SUDS3: variants seen among roughly 807,000 people sequenced by gnomAD.
SUDS3 encodes the protein sin3 histone deacetylase corepressor complex component SDS3.
Under a neutral mutation model 53.5 loss-of-function variants are expected in SUDS3, and 23 were observed. That is an observed-to-expected ratio of 0.43 (90% CI 0.31 to 0.61). The LOEUF (loss-of-function observed/expected upper bound fraction) is 0.61. SUDS3 is among the 20% of genes least tolerant of loss of function. The pLI is 0.10. For synonymous variants in SUDS3, 150 were observed against 148.5 expected (o/e 1.01, Z -0.08); for missense variants, 291 against 405.9 (o/e 0.72, Z 2.43).
At chr12:118,410,120 A>G (rs1401196455) in intron 10 of SUDS3, among the ~76,000 whole-genome samples, 1 of 152,156 alleles carries the variant, frequency 6.6e-6, no homozygotes, top group African/African-American at 2.4e-5. Flanking sequence ...TCCCCAGTGT[A>G]TTTGAATCTC....
At chr12:118,409,774 G>C (rs1490790064) in intron 10 of SUDS3, among the ~76,000 whole-genome samples, 1 of 152,274 alleles carries the variant, frequency 6.6e-6, no homozygotes, top group Admixed American at 6.5e-5. Context: ...GGCCAGGGTT[G>C]CTAGCTGCAG....
intron 10 of SUDS3, among the ~76,000 whole-genome samples, chr12:118,407,268 C>T (rs1292158881): frequency 6.6e-6 from 1 of 152,112 alleles, no homozygotes; most frequent in Admixed American, 6.5e-5. Flanking sequence ...GATAATGGTT[C>T]CCCCAAGACA....
intron 1 of SUDS3, among the ~76,000 whole-genome samples, chr12:118,378,507 G>C (rs1375092874): frequency 1.3e-5 from 2 of 149,148 alleles, no homozygotes; most frequent in African/African-American, 2.5e-5. Context: ...TTTAAGATGG[G>C]GTCTCACTCA....
At chr12:118,392,809 T>TG (rs1294878198) in intron 6 of SUDS3, among the ~76,000 whole-genome samples, 1 of 152,176 alleles carries the variant, frequency 6.6e-6, no homozygotes, top group Admixed American at 6.5e-5. Context: ...TTTCCGTCTG[T>TG]GGGGAACGGG....
intron 6 of SUDS3, among the ~76,000 whole-genome samples, chr12:118,392,500 A>G (rs2046176407): frequency 6.6e-6 from 1 of 152,216 alleles, no homozygotes; most frequent in Non-Finnish European, 1.5e-5. Flanking sequence ...AGCTCCTTGA[A>G]GGCCTCTGAA....
chr12:118,414,179 G>C (rs537889139), intron 11 of SUDS3, among the ~76,000 whole-genome samples, 156 bp from the exon 12 acceptor site: 20 of 152,294 alleles, frequency 1.3e-4, no homozygotes, highest in African/African-American at 4.3e-4. Flanking sequence ...GAGGTCAGGG[G>C]TGCTTATGAA....
chr12:118,402,229 T>C (rs2046269754), intron 9 of SUDS3: 2 of 564,936 alleles, frequency 3.5e-6, no homozygotes, highest in South Asian at 2.5e-5. Context: ...TCTTAGGATT[T>C]ATCATAAAAG....
rs1191450584 is a variant in SUDS3 at position 118,416,926 on chromosome 12, AG to A, written c.*2495del. ...TTCCTGCAGGTGATTACTTTGAAAA[AG>A]GTTGGTCCAGACCATTTTGATCAAG... On this transcript the variant is annotated 3_prime_UTR_variant, in exon 12 of 12. Transcript: ENST00000543473. The A allele has an allele frequency of 6.6e-6, 1 of 152,234 alleles. No homozygotes were observed. The highest frequency in any genetic ancestry group is 1.5e-5 in the Non-Finnish European group (1 of 68,052). The allele number at this position is 152,234 out of a possible 1,614,324, so 9.4% of individuals were successfully genotyped here. A position where few individuals can be genotyped will look rare whatever the true frequency, so the allele number is the denominator to read the frequency against.
intron 4 of SUDS3, among the ~76,000 whole-genome samples, chr12:118,387,220 A>G (rs1298974160): frequency 6.6e-6 from 1 of 151,732 alleles, no homozygotes; most frequent in Non-Finnish European, 1.5e-5. Flanking sequence ...CCCCCTTTCT[A>G]CTCTGAGTTC....
intron 2 of SUDS3, among the ~76,000 whole-genome samples, chr12:118,380,708 T>TA (rs1219716727): frequency 1.3e-5 from 2 of 152,188 alleles, no homozygotes; most frequent in African/African-American, 4.8e-5. Context: ...TTTTACTACT[T>TA]ACTCTTTTTT....
At chr12:118,401,900 T>G in intron 8 of SUDS3, 80 bp downstream of exon 8, 1 of 1,599,506 alleles carries the variant, frequency 6.3e-7, no homozygotes, top group Non-Finnish European at 8.6e-7. Context: ...ATGTTACTTG[T>G]TAATCATTAT....
At position 118,414,480 on chromosome 12, in the gene SUDS3, A is replaced by G. The variant is rs1593789682; in HGVS notation, c.*47A>G. On this transcript the variant is annotated 3_prime_UTR_variant, in exon 12 of 12. Coordinates refer to ENST00000543473, the MANE Select transcript of SUDS3 (RefSeq NM_022491.3). ...TGACCCTTTTTCTGGAGTGGGTTTT[A>G]TTTTTGTTTTGTTTCGTTTTCTCCT... is the stretch of plus-strand genomic sequence containing the variant. The G allele has an allele frequency of 1.4e-6, 2 of 1,427,410 alleles. No individual in the cohort carries two copies. Among genetic ancestry groups the G allele is most frequent in the East Asian group, 5.1e-5 (2 of 39,090 alleles). 88.4% of individuals were successfully genotyped at this position (1,427,410 alleles called of 1,614,324 possible). A position where few individuals can be genotyped will look rare whatever the true frequency, so the allele number is the denominator to read the frequency against.
At chr12:118,394,858 G>T (rs182808011) in intron 6 of SUDS3, among the ~76,000 whole-genome samples, 245 of 151,966 alleles carry the variant, frequency 1.6e-3, no homozygotes, top group Non-Finnish European at 2.8e-3. Flanking sequence ...GCTCATTTTT[G>T]TACTTTTTGT....
chr12:118,400,138 T>C (rs1350737328), intron 6 of SUDS3, among the ~76,000 whole-genome samples: 2 of 151,966 alleles, frequency 1.3e-5, no homozygotes, highest in Non-Finnish European at 2.9e-5. Context: ...GTCAAGTAGC[T>C]ACAAAAGGTT....
chr12:118,410,682 C>T (rs187243710), intron 10 of SUDS3, among the ~76,000 whole-genome samples: 42 of 152,028 alleles, frequency 2.8e-4, no homozygotes, highest in Admixed American at 9.2e-4. Context: ...CTGCAAGCTC[C>T]GCCTCCCGGG....
intron 11 of SUDS3, 86 bp downstream of exon 11, chr12:118,411,243 C>A: frequency 2.5e-6 from 3 of 1,200,686 alleles, no homozygotes; most frequent in African/African-American, 1.5e-5. Context: ...AAAGTGCCAC[C>A]AAGGAAGTAC....
chr12:118,408,803 A>G (rs2046332183), intron 10 of SUDS3, among the ~76,000 whole-genome samples: 1 of 152,056 alleles, frequency 6.6e-6, no homozygotes, highest in African/African-American at 2.4e-5. Context: ...TATCAGAATG[A>G]CTTGAGGGTA....
At position 118,393,421 on chromosome 12, in the gene SUDS3, CTT is replaced by C. The variant is rs376322263; in HGVS notation, c.517+2140_517+2141del. 3.2e-3 allele frequency among the ~76,000 whole-genome samples: 487 copies of C among 152,290 alleles called. 3 individuals are homozygous for C. The highest frequency in any genetic ancestry group is 0.011 in the African/African-American group (472 of 41,568). On this transcript the variant is annotated intron_variant, in intron 6 of 11. Coordinates refer to ENST00000543473, the MANE Select transcript of SUDS3 (RefSeq NM_022491.3). ...GGCGACCTGCTCTTTCCCACCATGA[CTT>C]AAAGCGTTTATAAACCTCCATAGGA...
At chr12:118,391,346 C>T in intron 6 of SUDS3, 64 bp downstream of exon 6, 7 of 1,521,594 alleles carry the variant, frequency 4.6e-6, no homozygotes, top group Non-Finnish European at 6.2e-6. Flanking sequence ...AGGGCTGTTC[C>T]AGTTACTTTT....
Sources: gnomAD v4.1 joint callset for allele counts (sites outside exome capture counted in the v4.1 genomes callset) on GRCh38, gnomAD v4.1.1 for gene constraint, MANE v1.5 for transcripts, NCBI Gene and HGNC (gene_info 2026-07-23, HGNC 2026-07-21) for gene names.